The following TERB1 variants were observed in gnomAD, a reference collection of about 807,000 sequenced individuals.
The protein encoded by TERB1 is telomere repeats-binding bouquet formation protein 1.
A neutral mutation model predicts 92.3 loss-of-function variants in TERB1; 63 were observed. The ratio of observed to expected loss-of-function variants is 0.68; its 90% CI spans 0.56 to 0.84. TERB1 has a LOEUF of 0.84. Ranked by LOEUF, TERB1 falls within the 40% of genes least tolerant of loss-of-function variation. The pLI is 0.00. For missense variants in TERB1, 709 were observed against 843.7 expected (o/e 0.84, Z 1.98); for synonymous variants, 252 against 283.9 (o/e 0.89, Z 1.13).
At chr16:66,759,418 A>C in intron 16 of TERB1, 128 bp from the exon 17 acceptor site, 2 of 686,972 alleles carry the variant, frequency 2.9e-6, no homozygotes, top group African/African-American at 1.8e-5. Context: ...CAAGAAGCTC[A>C]AAATCATATG....
At chr16:66,782,356 C>A (rs374628875) in intron 9 of TERB1, among the ~76,000 whole-genome samples, 1 of 152,112 alleles carries the variant, frequency 6.6e-6, no homozygotes, top group African/African-American at 2.4e-5. Flanking sequence ...TCAAGACCAG[C>A]CTGGCCAACA....
At chr16:66,763,796 T>C (rs1425138196) in intron 16 of TERB1, among the ~76,000 whole-genome samples, 2 of 152,228 alleles carry the variant, frequency 1.3e-5, no homozygotes, top group East Asian at 3.8e-4. Context: ...ATGTCAGCCA[T>C]GTCCATCCAG....
chr16:66,761,338 G>A (rs1336728749), intron 16 of TERB1, among the ~76,000 whole-genome samples: 1 of 150,756 alleles, frequency 6.6e-6, no homozygotes, highest in African/African-American at 2.4e-5. Flanking sequence ...TGTAATCCCA[G>A]CTACTTGGGA....
At chr16:66,765,666 C>T (rs1331155391) in intron 16 of TERB1, among the ~76,000 whole-genome samples, 1 of 151,398 alleles carries the variant, frequency 6.6e-6, no homozygotes, top group Non-Finnish European at 1.5e-5. Context: ...CCGTGTTGAC[C>T]AGGCTGGTCT....
chr16:66,770,010 G>T lies in TERB1; in HGVS notation c.1572C>A (p.Asn524Lys). 6.4e-7 allele frequency: 1 copy of T among 1,551,552 alleles called. No individual in the cohort carries two copies. Among genetic ancestry groups the T allele is most frequent in the Non-Finnish European group, 8.7e-7 (1 of 1,146,960 alleles). The change falls in exon 14 of 19, where the codon AAC (asparagine) becomes AAA (lysine). Residue 524 changes from asparagine (N) to lysine (K), a missense_variant. By Grantham distance (94) the Asn-to-Lys change is moderately conservative. Coordinates refer to ENST00000433154, the MANE Select transcript of TERB1 (RefSeq NM_001136505.2). ...LYKAKSSCNQ[N>K]LHEETTFEKN... is the part of the protein sequence containing the mutation. ...TTTCAAAAGTAGTTTCTTCATGTAA[G>T]TTTTGATTGCAGCTTGACTTGGCTT...
chr16:66,762,061 A>C (rs182565478), intron 16 of TERB1, among the ~76,000 whole-genome samples: 1 of 152,258 alleles, frequency 6.6e-6, no homozygotes, highest in African/African-American at 2.4e-5. Flanking sequence ...CAAAAAAAAG[A>C]AAAAGGAATA....
intron 5 of TERB1, 68 bp downstream of exon 5, chr16:66,790,527 G>T (rs2145227431): frequency 8.4e-7 from 1 of 1,192,448 alleles, no homozygotes; most frequent in Non-Finnish European, 1.1e-6. Flanking sequence ...TATAAAATTA[G>T]TTTTGAGTAT....
intron 16 of TERB1, 64 bp downstream of exon 16, chr16:66,767,351 A>C: frequency 2.0e-6 from 2 of 1,009,990 alleles, no homozygotes; most frequent in Non-Finnish European, 2.9e-6. Flanking sequence ...AAAAAAAAAA[A>C]AATTCTAGTT....
intron 12 of TERB1, among the ~76,000 whole-genome samples, chr16:66,774,191 T>G (rs1306741643): frequency 6.9e-6 from 1 of 144,456 alleles, no homozygotes; most frequent in East Asian, 2.0e-4. Flanking sequence ...CAAACGTTTT[T>G]TTTTTTTTTT....
At chr16:66,768,046 TA>T in intron 15 of TERB1, 57 bp downstream of exon 15, 2 of 1,340,710 alleles carry the variant, frequency 1.5e-6, no homozygotes, top group South Asian at 2.5e-5. Flanking sequence ...TTTTTAGCTA[TA>T]TTGGTTACCT....
chr16:66,756,517 A>G (rs936232809), intron 18 of TERB1, among the ~76,000 whole-genome samples: 2 of 152,174 alleles, frequency 1.3e-5, no homozygotes, highest in African/African-American at 4.8e-5. Context: ...TTTATTGGTA[A>G]AACTATCTCA....
intron 2 of TERB1, among the ~76,000 whole-genome samples, chr16:66,797,161 C>A (rs941755058): frequency 3.3e-5 from 5 of 151,230 alleles, no homozygotes; most frequent in African/African-American, 1.2e-4. Context: ...ATGCATTCAA[C>A]AAATTTTATT....
At chr16:66,787,265 ATTTTTCTTTTTC>A (rs1224792251) in intron 6 of TERB1, among the ~76,000 whole-genome samples, 1 of 147,996 alleles carries the variant, frequency 6.8e-6, no homozygotes, top group Non-Finnish European at 1.5e-5. Context: ...CACCCAGTTA[ATTTTTCTTTTTC>A]TTTTTCTTTT....
chr16:66,792,309 A>G (rs972300792), intron 3 of TERB1, among the ~76,000 whole-genome samples: 2 of 152,208 alleles, frequency 1.3e-5, no homozygotes, highest in Non-Finnish European at 2.9e-5. Flanking sequence ...AAAACCCTAC[A>G]GCAAACATCA....
chr16:66,778,647 A>G (rs1272064871), intron 10 of TERB1, among the ~76,000 whole-genome samples: 1 of 150,630 alleles, frequency 6.6e-6, no homozygotes, highest in Non-Finnish European at 1.5e-5. Context: ...TGAACTCCTG[A>G]CCTCAGGTGA....
At chr16:66,766,482 G>A (rs2018349084) in intron 16 of TERB1, among the ~76,000 whole-genome samples, 1 of 151,942 alleles carries the variant, frequency 6.6e-6, no homozygotes, top group Non-Finnish European at 1.5e-5. Context: ...AGAAGGGATG[G>A]AATAAGTATT....
rs879803484 is a variant in TERB1, at chr16:66,766,799, G to GT, written c.1780+615dup. Among the ~76,000 whole-genome samples the GT allele has an allele frequency of 1.3e-4, 19 of 151,844 alleles. No individual in the cohort carries two copies. In the South Asian group the frequency reaches 1.9e-3, roughly 15 times the overall value. ...GCTCAGCCTGATGCTGATAAAAGGT[G>GT]TTTTTTTTGTTTTGCTTTGTTTTTA... On this transcript the variant is annotated intron_variant, in intron 16 of 18. Transcript: ENST00000433154.
chr16:66,768,377 A>G (rs2018386071), intron 14 of TERB1, among the ~76,000 whole-genome samples: 1 of 152,232 alleles, frequency 6.6e-6, no homozygotes, highest in South Asian at 2.1e-4. Flanking sequence ...ACAAGACTCC[A>G]GAGGGCAATA....
At chr16:66,776,732 G>C (rs1044414461) in intron 11 of TERB1, among the ~76,000 whole-genome samples, 8 of 151,894 alleles carry the variant, frequency 5.3e-5, no homozygotes, top group Admixed American at 2.0e-4. Flanking sequence ...AAATAAAAGG[G>C]GGAGAAGAAA....
Sources: allele counts gnomAD v4.1 joint callset (sites outside exome capture counted in the v4.1 genomes callset), GRCh38; gene constraint gnomAD v4.1.1; transcripts MANE v1.5; gene names NCBI Gene and HGNC (gene_info 2026-07-23, HGNC 2026-07-21).